MOB3B: variants seen among roughly 807,000 people sequenced by gnomAD.
MOB3B encodes the protein MOB kinase activator-like 2B.
In MOB3B, 7 loss-of-function variants were observed where a neutral mutation model predicts 18.7. The observed-to-expected ratio is 0.37, with a 90% confidence interval of 0.21 to 0.70. MOB3B has a LOEUF of 0.70. Ranked by LOEUF, MOB3B falls within the 30% of genes least tolerant of loss-of-function variation. The pLI, the probability that MOB3B is intolerant of heterozygous loss-of-function variation, is 0.52. For synonymous variants in MOB3B, 111 were observed against 99.9 expected (o/e 1.11, Z -0.66); for missense variants, 253 against 281.3 (o/e 0.90, Z 0.72).
intron 2 of MOB3B, among the ~76,000 whole-genome samples, chr9:27,446,831 A>G (rs900499085): frequency 2.6e-5 from 4 of 152,236 alleles, no homozygotes; most frequent in African/African-American, 9.6e-5. Context: ...TAAAATCATC[A>G]TCAGAATTCA....
chr9:27,481,520 G>GT (rs1224985717), intron 1 of MOB3B, among the ~76,000 whole-genome samples: 3,167 of 91,642 alleles, frequency 0.035, 80 homozygotes, highest in Admixed American at 0.062. Context: ...TGTTTTTTTT[G>GT]TTTTTTTTTT....
chr9:27,473,268 T>C (rs1400056300), intron 1 of MOB3B, among the ~76,000 whole-genome samples: 1 of 152,174 alleles, frequency 6.6e-6, no homozygotes, highest in Non-Finnish European at 1.5e-5. Flanking sequence ...GTTTTTCTCA[T>C]CTAGCGGAGT....
At chr9:27,428,394 C>G (rs781595191) in intron 2 of MOB3B, among the ~76,000 whole-genome samples, 1 of 152,086 alleles carries the variant, frequency 6.6e-6, no homozygotes, top group South Asian at 2.1e-4. Flanking sequence ...TGAAGTACAA[C>G]GTAGTAAGAA....
At chr9:27,385,129 G>A (rs1017536224) in intron 2 of MOB3B, among the ~76,000 whole-genome samples, 6 of 152,154 alleles carry the variant, frequency 3.9e-5, no homozygotes, top group African/African-American at 7.2e-5. Flanking sequence ...GATGAGGAGG[G>A]GGGCAAAAGG....
At chr9:27,382,005 T>C (rs754174791) in intron 2 of MOB3B, among the ~76,000 whole-genome samples, 2 of 152,156 alleles carry the variant, frequency 1.3e-5, no homozygotes, top group Non-Finnish European at 2.9e-5. Context: ...TTCTCTAGCT[T>C]CGGGCCTTGG....
At chr9:27,462,242 C>T (rs1480875055) in intron 1 of MOB3B, among the ~76,000 whole-genome samples, 4 of 151,890 alleles carry the variant, frequency 2.6e-5, no homozygotes, top group African/African-American at 7.3e-5. Flanking sequence ...GAAAGAGAAA[C>T]TTCTCTAAGT....
intron 2 of MOB3B, among the ~76,000 whole-genome samples, chr9:27,375,720 A>G (rs187325582): frequency 2.0e-3 from 309 of 152,246 alleles, no homozygotes; most frequent in Middle Eastern, 6.8e-3. Context: ...TGCAGAGCAA[A>G]AGCCCTTTTG....
intron 1 of MOB3B, among the ~76,000 whole-genome samples, chr9:27,491,839 C>G (rs996631754): frequency 6.6e-6 from 1 of 152,216 alleles, no homozygotes; most frequent in African/African-American, 2.4e-5. Context: ...CACCACTGCA[C>G]TCCAGCCTGG....
chr9:27,478,669 C>T (rs2131474570), intron 1 of MOB3B, among the ~76,000 whole-genome samples: 2 of 152,116 alleles, frequency 1.3e-5, no homozygotes, highest in African/African-American at 4.8e-5. Flanking sequence ...AAATAAAACA[C>T]ATTTAATTGA....
At chr9:27,446,569 T>G (rs1275689316) in intron 2 of MOB3B, among the ~76,000 whole-genome samples, 1 of 152,066 alleles carries the variant, frequency 6.6e-6, no homozygotes, top group Non-Finnish European at 1.5e-5. Context: ...GCCAAATGCT[T>G]GAGATAATTA....
rs1820728536 is a variant in MOB3B, at chr9:27,327,411, C to T, written c.*3176G>A. ...TGAGGCAGTAGTAAGGAAACAACATCACACATGTAGCAGTCTTGGGAAAAA... is the reference window on the plus strand; with the variant it reads ...TGAGGCAGTAGTAAGGAAACAACATTACACATGTAGCAGTCTTGGGAAAAA... On this transcript the variant is annotated 3_prime_UTR_variant, in exon 4 of 4. Coordinates refer to ENST00000262244, the MANE Select transcript of MOB3B (RefSeq NM_024761.5). 6.6e-6 allele frequency: 1 copy of T among 152,034 alleles called. No individual in the cohort carries two copies. Among genetic ancestry groups the T allele is most frequent in the Non-Finnish European group, 1.5e-5 (1 of 68,022 alleles). 9.4% of individuals were successfully genotyped at this position (152,034 alleles called of 1,614,324 possible).
In MOB3B at chr9:27,361,471, C is replaced by T. The variant is rs1273487933; in HGVS notation, c.419-2235G>A. 3.9e-5 allele frequency among the ~76,000 whole-genome samples: 6 copies of T among 152,150 alleles called. No individual in the cohort carries two copies. The East Asian group carries it at 1.2e-3, about 29-fold the overall frequency. On this transcript the variant is annotated intron_variant, in intron 2 of 3. Transcript: ENST00000262244. ...ATGTCCACAGCATCAGAAGCCACAA[C>T]CAGAGGCAAGAAGAGGTCAGCTAAC...
intron 1 of MOB3B, among the ~76,000 whole-genome samples, chr9:27,477,992 C>T (rs1442228887): frequency 2.0e-5 from 3 of 152,102 alleles, no homozygotes; most frequent in Non-Finnish European, 2.9e-5. Context: ...CTCCAAGTAG[C>T]TCAGGGAAGG....
intron 1 of MOB3B, among the ~76,000 whole-genome samples, chr9:27,509,637 G>A (rs9408120): frequency 0.26 from 39,491 of 151,568 alleles, 5,284 homozygotes; most frequent in East Asian, 0.34. Context: ...GGTTGGTCTC[G>A]AACTCCTGAC....
chr9:27,335,593 C>T (rs1293672754), intron 3 of MOB3B, among the ~76,000 whole-genome samples: 1 of 152,150 alleles, frequency 6.6e-6, no homozygotes, highest in African/African-American at 2.4e-5. Context: ...CTAGACTCTT[C>T]TCAGGCACTC....
At chr9:27,385,567 G>C (rs1821640653) in intron 2 of MOB3B, among the ~76,000 whole-genome samples, 1 of 152,124 alleles carries the variant, frequency 6.6e-6, no homozygotes, top group Non-Finnish European at 1.5e-5. Context: ...TCTGTTCTCT[G>C]TGTTTTCTTG....
At chr9:27,342,439 C>T (rs948949207) in intron 3 of MOB3B, among the ~76,000 whole-genome samples, 1 of 151,940 alleles carries the variant, frequency 6.6e-6, no homozygotes, top group African/African-American at 2.4e-5. Flanking sequence ...TCTCCCTCCC[C>T]CTCCCCCTCC....
chr9:27,511,759 A>T (rs933866847), intron 1 of MOB3B, among the ~76,000 whole-genome samples: 6 of 151,964 alleles, frequency 3.9e-5, no homozygotes, highest in Non-Finnish European at 8.8e-5. Context: ...TTTTTCTTTT[A>T]ATCTCTATTG....
intron 1 of MOB3B, among the ~76,000 whole-genome samples, chr9:27,507,016 G>C (rs979144035): frequency 6.6e-6 from 1 of 152,050 alleles, no homozygotes; most frequent in East Asian, 1.9e-4. Flanking sequence ...TTATGATGTA[G>C]TATTGCTGCT....
Sources: gnomAD v4.1 joint callset for allele counts (sites outside exome capture counted in the v4.1 genomes callset) on GRCh38, gnomAD v4.1.1 for gene constraint, MANE v1.5 for transcripts, NCBI Gene and HGNC (gene_info 2026-07-23, HGNC 2026-07-21) for gene names.